The following CEP290 variants were observed in gnomAD, a reference collection of about 807,000 sequenced individuals.
The protein encoded by CEP290 is centrosomal protein of 290 kDa.
Under a neutral mutation model 344.9 loss-of-function variants are expected in CEP290, and 317 were observed. The observed-to-expected ratio is 0.92, with a 90% CI of 0.84 to 1.01. CEP290 has a LOEUF of 1.01. CEP290 is among the 50% of genes least tolerant of loss of function. The pLI is 0.00. For missense variants in CEP290, 2,754 were observed against 2,761.4 expected (o/e 1.00, Z 0.06); for synonymous variants, 932 against 895.8 (o/e 1.04, Z -0.72).
At chr12:88,100,136 G>A (rs554310509) in intron 26 of CEP290, among the ~76,000 whole-genome samples, 2 of 152,072 alleles carry the variant, frequency 1.3e-5, no homozygotes, top group South Asian at 4.1e-4. Context: ...CGGCCGTGCT[G>A]GTGGGCACCT....
intron 14 of CEP290, among the ~76,000 whole-genome samples, 155 bp downstream of exon 14, chr12:88,120,842 G>A (rs529119663): frequency 2.7e-4 from 41 of 152,254 alleles, no homozygotes; most frequent in African/African-American, 8.2e-4. Flanking sequence ...AATGCTCAAA[G>A]GTTTCAATAG....
At chr12:88,115,881 T>C in intron 18 of CEP290, 1 of 983,602 alleles carries the variant, frequency 1.0e-6, no homozygotes, top group Non-Finnish European at 1.2e-6. Flanking sequence ...AAGATTAACC[T>C]TAAGCTTATT....
At chr12:88,049,532 C>A in intron 53 of CEP290, 118 bp from the exon 54 acceptor site, 1 of 630,938 alleles carries the variant, frequency 1.6e-6, no homozygotes, top group Non-Finnish European at 2.8e-6. Flanking sequence ...TCAAATACAG[C>A]AATAAAGGCA....
chr12:88,100,727 G>C (rs1357398918), intron 26 of CEP290, among the ~76,000 whole-genome samples: 5 of 152,102 alleles, frequency 3.3e-5, no homozygotes, highest in African/African-American at 1.2e-4. Flanking sequence ...TGCAGAACTA[G>C]TGTAGACAGG....
intron 20 of CEP290, among the ~76,000 whole-genome samples, chr12:88,113,562 AT>A (rs1023313670): frequency 6.6e-6 from 1 of 151,982 alleles, no homozygotes; most frequent in African/African-American, 2.4e-5. Flanking sequence ...AATAATAAGA[AT>A]TTTTTTCCCA....
intron 52 of CEP290, among the ~76,000 whole-genome samples, chr12:88,052,887 A>G (rs116949429): frequency 6.6e-6 from 1 of 152,198 alleles, no homozygotes; most frequent in East Asian, 1.9e-4. Context: ...GCTGCCCTCT[A>G]CTGTCTCCAT....
chr12:88,108,729 C>T (rs1350342451), intron 23 of CEP290, among the ~76,000 whole-genome samples: 3 of 152,228 alleles, frequency 2.0e-5, no homozygotes, highest in South Asian at 2.1e-4. Context: ...AATTCATTTA[C>T]GTTTTACAAT....
In CEP290 at chr12:88,096,251, G is replaced by T. The variant is rs186485576; in HGVS notation, c.3103+637C>A. On this transcript the variant is annotated intron_variant, in intron 27 of 53. Transcript: ENST00000552810. ...TTTAGTAGAGATGGGGTTTTGCCAT[G>T]TTGGCCAGGCTGGTCTCGAACTCCT... Among the ~76,000 whole-genome samples, 42 of 152,196 alleles carry T rather than the reference G, an allele frequency of 2.8e-4. 1 individual carries two copies. The highest frequency in any genetic ancestry group is 9.6e-4 in the African/African-American group (40 of 41,542).
At chr12:88,120,006 G>A in intron 15 of CEP290, 108 bp downstream of exon 15, 1 of 591,502 alleles carries the variant, frequency 1.7e-6, no homozygotes. Context: ...AAAAGCATTT[G>A]AAAAAAGCAT....
At chr12:88,072,892 T>C (rs9668310) in intron 41 of CEP290, among the ~76,000 whole-genome samples, 1,964 of 152,024 alleles carry the variant, frequency 0.013, 45 homozygotes, top group African/African-American at 0.045. Context: ...AAGAAATAAA[T>C]CTAAATCTAT....
chr12:88,071,927 C>T lies in CEP290; in HGVS notation c.5710-1G>A. ...ACCTAATTAATTCTTCTTTAGCATT[C>T]TGTAACAATAACGAAGGAGGTAGGA... On this transcript the variant is annotated splice_acceptor_variant, in intron 41 of 53. Transcript: ENST00000552810. LOFTEE classifies it high-confidence loss of function. The T allele has an allele frequency of 6.3e-7, 1 of 1,577,692 alleles. No individual in the cohort carries two copies. The highest frequency in any genetic ancestry group is 8.6e-7 in the Non-Finnish European group (1 of 1,166,838).
chr12:88,090,886 A>C, intron 29 of CEP290, 47 bp from the exon 30 acceptor site: 1 of 1,199,254 alleles, frequency 8.3e-7, no homozygotes, highest in East Asian at 2.7e-5. Flanking sequence ...ACACTTTCTA[A>C]GTAAATGCCA....
In CEP290 at chr12:88,136,803, C is replaced by T; in HGVS notation, c.298-17G>A. The stretch of plus-strand genomic sequence containing the variant: ...CTGAGCCATCTTAAAGTAATAAACC[C>T]AAAGTATAAATTAATCCCATTATAT... On this transcript the variant is annotated splice_polypyrimidine_tract_variant and intron_variant, in intron 5 of 53. Transcript: ENST00000552810. The T allele has an allele frequency of 1.2e-6, 2 of 1,610,548 alleles. No individual in the cohort carries two copies. Among genetic ancestry groups the T allele is most frequent in the South Asian group, 2.2e-5 (2 of 90,898 alleles).
At chr12:88,068,917 A>C (rs1328763278) in intron 43 of CEP290, among the ~76,000 whole-genome samples, 1 of 152,192 alleles carries the variant, frequency 6.6e-6, no homozygotes, top group Non-Finnish European at 1.5e-5. Flanking sequence ...TAACATTTTT[A>C]AAGAACATGC....
At chr12:88,131,319 A>C in intron 6 of CEP290, 101 bp from the exon 7 acceptor site, 1 of 809,462 alleles carries the variant, frequency 1.2e-6, no homozygotes, top group South Asian at 2.0e-5. Context: ...GCTGGAGTAC[A>C]GTGGTGCGAT....
intron 37 of CEP290, 145 bp downstream of exon 37, chr12:88,082,886 A>G (rs1450233576): frequency 1.9e-6 from 1 of 535,596 alleles, no homozygotes; most frequent in Non-Finnish European, 3.2e-6. Context: ...AAATGATAAC[A>G]TATGTAACCA....
At chr12:88,123,868 T>C (rs538454208) in intron 13 of CEP290, among the ~76,000 whole-genome samples, 35 of 152,174 alleles carry the variant, frequency 2.3e-4, no homozygotes, top group Admixed American at 2.2e-3. Context: ...CAACCTGCTC[T>C]TCCCACAACC....
intron 1 of CEP290, 57 bp downstream of exon 1, chr12:88,141,843 G>T (rs2040697220): frequency 6.6e-6 from 1 of 152,498 alleles, no homozygotes; most frequent in South Asian, 2.1e-4. Context: ...GGGCCCTCAG[G>T]CTAAAGAACC....
intron 6 of CEP290, among the ~76,000 whole-genome samples, chr12:88,134,128 G>A (rs1224643791): frequency 2.0e-5 from 3 of 152,078 alleles, no homozygotes; most frequent in African/African-American, 7.2e-5. Flanking sequence ...AATATGCCCA[G>A]AAGAACCTCA....
Sources: gnomAD v4.1 joint callset for allele counts (sites outside exome capture counted in the v4.1 genomes callset) on GRCh38, gnomAD v4.1.1 for gene constraint, MANE v1.5 for transcripts, NCBI Gene and HGNC (gene_info 2026-07-23, HGNC 2026-07-21) for gene names.